Variants in ITGB6 observed in about 807,000 individuals in gnomAD.
ITGB6 encodes integrin beta-6.
A neutral mutation model predicts 84.5 loss-of-function variants in ITGB6; 80 were observed. The ratio of observed to expected loss-of-function variants is 0.95; its 90% CI spans 0.79 to 1.14. The LOEUF is 1.14. ITGB6 is among the 50% of genes most tolerant of loss of function. The pLI, the probability that ITGB6 is intolerant of heterozygous loss-of-function variation, is 0.00. For synonymous variants in ITGB6, 383 were observed against 354.9 expected, an observed-to-expected ratio of 1.08 and a Z score of -0.89; for missense variants, 1,006 against 968.0, an observed-to-expected ratio of 1.04 and a Z score of -0.52.
chr2:160,126,106 A>T (rs1197903966), intron 11 of ITGB6, among the ~76,000 whole-genome samples: 1 of 152,194 alleles, frequency 6.6e-6, no homozygotes, highest in Non-Finnish European at 1.5e-5. Flanking sequence ...TGATGTTATC[A>T]GTGTGGGACA....
intron 7 of ITGB6, among the ~76,000 whole-genome samples, chr2:160,162,802 T>C: frequency 6.6e-6 from 1 of 152,160 alleles, no homozygotes; most frequent in East Asian, 1.9e-4. Context: ...GTATTTTTAG[T>C]AGAGACAGGG....
At chr2:160,121,596 CA>C (rs1261921575) in intron 12 of ITGB6, among the ~76,000 whole-genome samples, 3 of 151,958 alleles carry the variant, frequency 2.0e-5, no homozygotes, top group Admixed American at 6.6e-5. Context: ...CCAGCCTGGC[CA>C]ACATGGCAAA....
chr2:160,101,930 A>T (rs1024679355), intron 14 of ITGB6, 96 bp from the exon 15 acceptor site: 8 of 694,920 alleles, frequency 1.2e-5, no homozygotes, highest in Admixed American at 8.0e-5. Flanking sequence ...AGTCAAGCTC[A>T]GTCTTGGAAA....
At chr2:160,138,580 G>A (rs2105820339) in intron 8 of ITGB6, among the ~76,000 whole-genome samples, 1 of 152,230 alleles carries the variant, frequency 6.6e-6, no homozygotes, top group Non-Finnish European at 1.5e-5. Flanking sequence ...GCATATAAAA[G>A]GCAATTCTTT....
Position 160,126,604 on chromosome 2 carries a change from G to A in ITGB6, c.1661-3C>T. 2 of 1,611,854 alleles carry A rather than the reference G, an allele frequency of 1.2e-6. No individual in the cohort carries two copies. Among genetic ancestry groups the A allele is most frequent in the South Asian group, 1.1e-5 (1 of 91,016 alleles). On this transcript the variant is annotated splice_region_variant and splice_polypyrimidine_tract_variant and intron_variant, in intron 10 of 14. Transcript: ENST00000283249. ...ACCACAGTCACAGTCGCCGTTACCT[G>A]TAACACAAAATGCTCTATGCTTCTC...
chr2:160,157,091 T>A (rs1684651693), intron 7 of ITGB6, among the ~76,000 whole-genome samples: 1 of 152,200 alleles, frequency 6.6e-6, no homozygotes, highest in Admixed American at 6.5e-5. Flanking sequence ...AGCTCTCCAG[T>A]CTCTGCGTCC....
intron 13 of ITGB6, among the ~76,000 whole-genome samples, chr2:160,111,247 T>C (rs1049467768): frequency 6.6e-6 from 1 of 152,186 alleles, no homozygotes. Context: ...GAATCAATAC[T>C]GTAAGGGATG....
At chr2:160,196,958 A>C (rs930692855) in intron 2 of ITGB6, among the ~76,000 whole-genome samples, 1 of 152,070 alleles carries the variant, frequency 6.6e-6, no homozygotes, top group African/African-American at 2.4e-5. Flanking sequence ...TAGGGATTGC[A>C]ACATCTCCCC....
At chr2:160,190,661 A>G (rs1686108129) in intron 4 of ITGB6, among the ~76,000 whole-genome samples, 1 of 152,218 alleles carries the variant, frequency 6.6e-6, no homozygotes, top group South Asian at 2.1e-4. Context: ...GAACAAATGA[A>G]TGAATAAATA....
intron 7 of ITGB6, among the ~76,000 whole-genome samples, chr2:160,155,392 T>C (rs563445113): frequency 5.9e-5 from 9 of 152,280 alleles, no homozygotes; most frequent in African/African-American, 2.2e-4. Context: ...GGATACATAA[T>C]AATTGTACAT....
intron 12 of ITGB6, among the ~76,000 whole-genome samples, chr2:160,113,063 T>C (rs1021916273): frequency 3.3e-5 from 5 of 152,246 alleles, no homozygotes; most frequent in Non-Finnish European, 5.9e-5. Flanking sequence ...TTTTCAATGA[T>C]GGTTACAAAC....
Position 160,200,235 on chromosome 2 carries a change from A to G in ITGB6, c.-172T>C, listed in dbSNP as rs984693188. Reference sequence around the variant, plus strand: ...TATAAGTTAGAAAGTTTTCATTAAGACTGAAATGAAAACAGAGGCTACCTG... The same window carrying G: ...TATAAGTTAGAAAGTTTTCATTAAGGCTGAAATGAAAACAGAGGCTACCTG... On this transcript the variant is annotated 5_prime_UTR_variant, in exon 1 of 15. Transcript: ENST00000283249. 1.7e-4 allele frequency: 94 copies of G among 566,302 alleles called. No individual in the cohort carries two copies. Among genetic ancestry groups the G allele is most frequent in the African/African-American group, 1.6e-3 (85 of 51,640 alleles). The allele number at this position is 566,302 out of a possible 1,614,324, so 35.1% of individuals were successfully genotyped here. A position where few individuals can be genotyped will look rare whatever the true frequency, so the allele number is the denominator to read the frequency against.
chr2:160,134,300 T>A, intron 10 of ITGB6, among the ~76,000 whole-genome samples: 1 of 151,986 alleles, frequency 6.6e-6, no homozygotes, highest in East Asian at 1.9e-4. Context: ...AACTAGAAAA[T>A]CTGGAAGAAA....
chr2:160,117,627 A>G (rs1330649678), intron 12 of ITGB6, among the ~76,000 whole-genome samples: 2 of 152,192 alleles, frequency 1.3e-5, no homozygotes, highest in African/African-American at 2.4e-5. Flanking sequence ...GAGCAAACAC[A>G]TTCAAAAGCT....
At chr2:160,190,508 G>A (rs994725208) in intron 4 of ITGB6, among the ~76,000 whole-genome samples, 1 of 152,130 alleles carries the variant, frequency 6.6e-6, no homozygotes, top group Non-Finnish European at 1.5e-5. Context: ...AAGCCCTTGT[G>A]GTTAATCACC....
intron 10 of ITGB6, among the ~76,000 whole-genome samples, chr2:160,136,266 A>G (rs1683710396): frequency 6.6e-6 from 1 of 152,260 alleles, no homozygotes; most frequent in Admixed American, 6.5e-5. Context: ...TTCTCAAAAG[A>G]AGACATTTAT....
intron 10 of ITGB6, among the ~76,000 whole-genome samples, chr2:160,128,484 A>G (rs1291461268): frequency 1.3e-5 from 2 of 152,214 alleles, no homozygotes; most frequent in East Asian, 1.9e-4. Context: ...AGTTTTGTCT[A>G]GACATTTTTT....
intron 4 of ITGB6, among the ~76,000 whole-genome samples, chr2:160,191,309 C>T (rs1421972255): frequency 6.6e-6 from 1 of 152,114 alleles, no homozygotes; most frequent in East Asian, 1.9e-4. Flanking sequence ...TCTTTCTTCC[C>T]TAATAACAGA....
In ITGB6 at chr2:160,175,637, C is replaced by T. The variant is rs148243409; in HGVS notation, c.594-1498G>A. Among the ~76,000 whole-genome samples the T allele has an allele frequency of 5.6e-3, 851 of 152,310 alleles. 9 individuals carry two copies. Among genetic ancestry groups the T allele is most frequent in the African/African-American group, 0.019 (798 of 41,566 alleles). Reference sequence around the variant, plus strand: ...TTTAGTGTTCCTAAGTGCAAGAAGGCTGTGATGTGTCTCATTGAGAAAATA... The same window carrying T: ...TTTAGTGTTCCTAAGTGCAAGAAGGTTGTGATGTGTCTCATTGAGAAAATA... On this transcript the variant is annotated intron_variant, in intron 4 of 14. Coordinates refer to ENST00000283249, the MANE Select transcript of ITGB6 (RefSeq NM_000888.5).
Sources: allele counts gnomAD v4.1 joint callset (sites outside exome capture counted in the v4.1 genomes callset), GRCh38; gene constraint gnomAD v4.1.1; transcripts MANE v1.5; gene names NCBI Gene and HGNC (gene_info 2026-07-23, HGNC 2026-07-21).